Variants in SLCO2A1 observed in about 807,000 individuals in gnomAD.
SLCO2A1 encodes the protein solute carrier organic anion transporter family member 2A1.
A neutral mutation model predicts 71.7 loss-of-function variants in SLCO2A1; 60 were observed. That is an observed-to-expected ratio of 0.84 (90% confidence interval 0.68 to 1.04). The LOEUF (loss-of-function observed/expected upper bound fraction) is 1.04, where lower values mean the gene tolerates loss of function less well. Among genes scored for constraint, SLCO2A1 ranks in the 50% least tolerant of loss-of-function variants. SLCO2A1 has a pLI of 0.00. For missense variants in SLCO2A1, 745 were observed against 813.4 expected (o/e 0.92, Z 1.02); for synonymous variants, 308 against 326.7 (o/e 0.94, Z 0.62).
intron 1 of SLCO2A1, among the ~76,000 whole-genome samples, chr3:134,020,113 G>A (rs756183270): frequency 6.6e-6 from 1 of 151,930 alleles, no homozygotes; most frequent in Non-Finnish European, 1.5e-5. Flanking sequence ...TCTAATTACC[G>A]GTGCATGCAG....
intron 1 of SLCO2A1, among the ~76,000 whole-genome samples, chr3:133,999,078 C>T (rs1387328238): frequency 1.3e-5 from 2 of 152,190 alleles, no homozygotes; most frequent in Non-Finnish European, 1.5e-5. Context: ...GGATGCCTTT[C>T]CTGATCCCTT....
chr3:133,985,979 G>T (rs1210233892), intron 1 of SLCO2A1, among the ~76,000 whole-genome samples: 2 of 152,170 alleles, frequency 1.3e-5, no homozygotes, highest in African/African-American at 4.8e-5. Flanking sequence ...TACTTACTTG[G>T]CTAAACCCAA....
At chr3:133,959,453 C>T (rs1417090880) in intron 3 of SLCO2A1, among the ~76,000 whole-genome samples, 1 of 150,828 alleles carries the variant, frequency 6.6e-6, no homozygotes. Context: ...AATTAGAACC[C>T]TATGCATCGC....
intron 1 of SLCO2A1, among the ~76,000 whole-genome samples, chr3:133,983,340 G>A (rs1934637998): frequency 6.6e-6 from 1 of 152,190 alleles, no homozygotes; most frequent in South Asian, 2.1e-4. Context: ...CACCAGACAT[G>A]TTACTGAGCC....
At chr3:134,027,422 G>A (rs993010135) in intron 1 of SLCO2A1, among the ~76,000 whole-genome samples, 2 of 152,078 alleles carry the variant, frequency 1.3e-5, no homozygotes, top group African/African-American at 4.8e-5. Context: ...CTAATTACTG[G>A]TGCATGCAGC....
rs183745357 is a variant in SLCO2A1, at chr3:133,940,762, G to T, written c.1625+1843C>A. On this transcript the variant is annotated intron_variant, in intron 11 of 13. Transcript: ENST00000310926. ...GTGGTGTCAAAGGAGGCAACACGCC[G>T]TGGGTTCCAAGCATCCCTGCACCTT... Among the ~76,000 whole-genome samples the T allele has an allele frequency of 3.9e-5, 6 of 152,334 alleles. No individual in the cohort carries two copies. The East Asian group carries it at 9.6e-4, about 24-fold the overall frequency.
At chr3:133,967,562 T>C (rs1934210422) in intron 3 of SLCO2A1, among the ~76,000 whole-genome samples, 1 of 152,216 alleles carries the variant, frequency 6.6e-6, no homozygotes, top group Non-Finnish European at 1.5e-5. Context: ...TTTGTTCTGC[T>C]CATCCGTTCA....
chr3:133,940,802 T>C (rs1170304238), intron 11 of SLCO2A1, among the ~76,000 whole-genome samples: 1 of 152,174 alleles, frequency 6.6e-6, no homozygotes, highest in Non-Finnish European at 1.5e-5. Flanking sequence ...CTGAGTAAGC[T>C]CAGAATGCAA....
intron 1 of SLCO2A1, among the ~76,000 whole-genome samples, chr3:134,016,337 TAA>T (rs547310416): frequency 1.0e-3 from 152 of 147,280 alleles, no homozygotes; most frequent in African/African-American, 3.6e-3. Flanking sequence ...ATGCAACTGT[TAA>T]AAAAAAAAGA....
At position 133,935,812 on chromosome 3, in the gene SLCO2A1, C is replaced by G; in HGVS notation, c.1776G>C (p.Gly592=). The G allele has an allele frequency of 6.2e-7, 1 of 1,611,154 alleles. No individual in the cohort carries two copies. Among genetic ancestry groups the G allele is most frequent in the Non-Finnish European group, 8.5e-7 (1 of 1,178,142 alleles). Residue 592 remains glycine, a synonymous_variant, in exon 13 of 14, where the codon GGG becomes GGC. Transcript: ENST00000310926. The part of the protein sequence containing the change: ...RWNSLCLGRR[G]ACAYYDNDAL... Reference sequence around the variant, plus strand: ...CATCGTTGTCATAGTAGGCGCAGGCCCCTCGCCTCCCCAAGCACAGCGAGT... The same window carrying G: ...CATCGTTGTCATAGTAGGCGCAGGCGCCTCGCCTCCCCAAGCACAGCGAGT...
chr3:133,992,871 C>T (rs544334099), intron 1 of SLCO2A1, among the ~76,000 whole-genome samples: 3 of 152,190 alleles, frequency 2.0e-5, no homozygotes, highest in Admixed American at 1.3e-4. Flanking sequence ...TCAATCCGTT[C>T]GTGCAACCTT....
intron 1 of SLCO2A1, among the ~76,000 whole-genome samples, chr3:134,021,697 GAAAGTCAAAGAGAGAGAGAC>G (rs1392364145): frequency 6.6e-6 from 1 of 151,760 alleles, no homozygotes; most frequent in African/African-American, 2.4e-5. Context: ...GAGGCAAAAG[GAAAGTCAAAGAGAGAGAGAC>G]AAAGTCAAAG....
At position 133,940,997 on chromosome 3, in the gene SLCO2A1, C is replaced by G. The variant is rs193228345; in HGVS notation, c.1625+1608G>C. Among the ~76,000 whole-genome samples, 81 of 152,212 alleles carry G rather than the reference C, an allele frequency of 5.3e-4. No individual in the cohort carries two copies. The East Asian group carries it at 0.013, about 24-fold the overall frequency. ...TACACCTGGGCCTCTCTGTGTCACC[C>G]CTGTAGGATTTGGGGGTCAAGGATA... On this transcript the variant is annotated intron_variant, in intron 11 of 13. Transcript: ENST00000310926.
intron 11 of SLCO2A1, among the ~76,000 whole-genome samples, chr3:133,939,722 C>T (rs11710021): frequency 0.074 from 11,278 of 152,238 alleles, 607 homozygotes; most frequent in South Asian, 0.13. Flanking sequence ...TGGCCCTTGC[C>T]CTGGGCAGAC....
At chr3:133,978,514 C>T (rs2108057778) in intron 2 of SLCO2A1, among the ~76,000 whole-genome samples, 1 of 152,238 alleles carries the variant, frequency 6.6e-6, no homozygotes, top group African/African-American at 2.4e-5. Context: ...CAGGAGAAGG[C>T]TGGGGAGAGG....
Position 133,948,568 on chromosome 3 carries a change from C to G in SLCO2A1, c.1073G>C (p.Gly358Ala). The change falls in exon 8 of 14, where the codon GGC becomes GCC. Residue 358 changes from glycine to alanine, a missense_variant. Coordinates refer to ENST00000310926, the MANE Select transcript of SLCO2A1 (RefSeq NM_005630.3). ...FLNKFLEKQY[G>A]TSAAYANFLI... ...GAAGTTGGCATAGGCTGCTGAGGTG[C>G]CATACTGCTTCTCCAGGAACTTGTT... 6.2e-7 allele frequency: 1 copy of G among 1,614,088 alleles called. No homozygotes were observed. Among genetic ancestry groups the G allele is most frequent in the South Asian group, 1.1e-5 (1 of 91,076 alleles).
rs771137072 is a variant in SLCO2A1, at chr3:133,953,715, C to T, written c.672G>A (p.Leu224=). Reference sequence around the variant, plus strand: ...AGATCTGCAGCATGACAGAGCCCAGCAGGTACCCGAAAGCCGGTCCAAATA... The same window carrying T: ...AGATCTGCAGCATGACAGAGCCCAGTAGGTACCCGAAAGCCGGTCCAAATA... ...ISVFGPAFGY[L]LGSVMLQIFV... is the part of the protein sequence containing the mutation. The change falls in exon 5 of 14, where the codon CTG becomes CTA. Residue 224 remains leucine, a synonymous_variant. Transcript: ENST00000310926. 133 of 1,614,038 alleles carry T rather than the reference C, an allele frequency of 8.2e-5. 1 individual carries two copies. The South Asian group carries it at 1.3e-3, about 16-fold the overall frequency.
chr3:134,015,269 G>A (rs1407176114), intron 1 of SLCO2A1, among the ~76,000 whole-genome samples: 1 of 152,198 alleles, frequency 6.6e-6, no homozygotes, highest in African/African-American at 2.4e-5. Context: ...TTAAAAGGGG[G>A]AAATCTTGTC....
intron 10 of SLCO2A1, 125 bp from the exon 11 acceptor site, chr3:133,942,893 T>G: frequency 2.0e-6 from 2 of 1,021,272 alleles, no homozygotes; most frequent in Non-Finnish European, 2.7e-6. Flanking sequence ...CTGGGTCTGG[T>G]TCCCAGGGAA....
Sources: allele counts gnomAD v4.1 joint callset (sites outside exome capture counted in the v4.1 genomes callset), GRCh38; gene constraint gnomAD v4.1.1; transcripts MANE v1.5; gene names NCBI Gene and HGNC (gene_info 2026-07-23, HGNC 2026-07-21).